The following GPR39 variants were observed in gnomAD, a reference collection of about 807,000 sequenced individuals.
The protein encoded by GPR39 is G protein-coupled receptor 39, also known as zinc sensing receptor.
GPR39 carries 23 observed loss-of-function variants against 18.4 expected under a neutral mutation model. The ratio of observed to expected loss-of-function variants is 1.25; its 90% CI spans 0.90 to 1.77. GPR39 has a LOEUF of 1.77. Among genes scored for constraint, GPR39 ranks in the 40% most tolerant of loss-of-function variants. GPR39 has a pLI of 0.00. For synonymous variants in GPR39, 280 were observed against 257.9 expected (o/e 1.09, Z -0.82); for missense variants, 647 against 602.4 (o/e 1.07, Z -0.78).
intron 1 of GPR39, among the ~76,000 whole-genome samples, chr2:132,463,148 G>A (rs1050353872): frequency 7.2e-5 from 11 of 152,218 alleles, no homozygotes; most frequent in Non-Finnish European, 1.2e-4. Context: ...AGGAGCTGGG[G>A]CTTAGTGTGA....
intron 1 of GPR39, among the ~76,000 whole-genome samples, chr2:132,543,090 T>A (rs999332157): frequency 2.0e-5 from 3 of 152,214 alleles, no homozygotes; most frequent in African/African-American, 7.2e-5. Context: ...AGGTTTGCAT[T>A]CTTGTCTCAC....
intron 1 of GPR39, among the ~76,000 whole-genome samples, chr2:132,571,364 C>T (rs1433375786): frequency 2.6e-5 from 4 of 152,230 alleles, no homozygotes; most frequent in South Asian, 2.1e-4. Context: ...AAAATTTGAT[C>T]ATTCTGGTTA....
intron 1 of GPR39, among the ~76,000 whole-genome samples, chr2:132,552,404 G>A (rs1468392937): frequency 6.6e-6 from 1 of 152,030 alleles, no homozygotes; most frequent in Admixed American, 6.6e-5. Context: ...CTTGTGAGAT[G>A]CCTGTTCCAC....
chr2:132,504,437 A>G (rs1679099698), intron 1 of GPR39, among the ~76,000 whole-genome samples: 1 of 152,142 alleles, frequency 6.6e-6, no homozygotes, highest in Admixed American at 6.5e-5. Flanking sequence ...CAGTTCTAGA[A>G]GCTCTGGATA....
intron 1 of GPR39, among the ~76,000 whole-genome samples, chr2:132,582,901 A>AGAT (rs1187869171): frequency 6.8e-6 from 1 of 146,424 alleles, no homozygotes; most frequent in Non-Finnish European, 1.5e-5. Flanking sequence ...AGAGAGAATT[A>AGAT]GATTTCTTTC....
chr2:132,448,234 C>G (rs1680572660), intron 1 of GPR39, among the ~76,000 whole-genome samples: 1 of 152,068 alleles, frequency 6.6e-6, no homozygotes. Flanking sequence ...TCCTGGCATA[C>G]TAAGATGGTG....
chr2:132,492,765 A>ATACACAC (rs1387264993), intron 1 of GPR39, among the ~76,000 whole-genome samples: 968 of 96,598 alleles, frequency 0.01, 18 homozygotes, highest in Non-Finnish European at 0.016. Context: ...CCATATATAT[A>ATACACAC]CATTCCATAT....
rs750296688 is a variant in GPR39, at chr2:132,646,170, A to G, written c.*564A>G. On this transcript the variant is annotated 3_prime_UTR_variant, in exon 2 of 2. Coordinates refer to ENST00000329321, the MANE Select transcript of GPR39 (RefSeq NM_001508.3). ...GGCCCGTTACAAAGAGGGGTGTTGC[A>G]GCAGCTGATGCAAACTGAGTTCAGT... The G allele has an allele frequency of 1.9e-6, 3 of 1,611,648 alleles. No individual in the cohort carries two copies. The highest frequency in any genetic ancestry group is 2.2e-5 in the East Asian group (1 of 44,788).
intron 1 of GPR39, among the ~76,000 whole-genome samples, chr2:132,611,185 A>C (rs1681233767): frequency 6.6e-6 from 1 of 152,342 alleles, no homozygotes; most frequent in Admixed American, 6.5e-5. Context: ...ACAGTGCAGG[A>C]AAATTTGTCA....
At chr2:132,553,313 A>ATATGTG (rs1680085420) in intron 1 of GPR39, among the ~76,000 whole-genome samples, 1 of 146,202 alleles carries the variant, frequency 6.8e-6, no homozygotes, top group East Asian at 2.0e-4. Context: ...ATATGTATAT[A>ATATGTG]TGTGTGTGTG....
intron 1 of GPR39, among the ~76,000 whole-genome samples, chr2:132,481,738 G>A (rs768163812): frequency 4.6e-5 from 7 of 152,168 alleles, no homozygotes; most frequent in Admixed American, 2.0e-4. Flanking sequence ...ATGTGACTCT[G>A]TAAGAAATTA....
intron 1 of GPR39, among the ~76,000 whole-genome samples, chr2:132,485,133 C>T (rs772679328): frequency 7.2e-5 from 11 of 152,204 alleles, no homozygotes; most frequent in African/African-American, 2.7e-4. Context: ...TTAAACAAGT[C>T]GCATAAAATT....
At chr2:132,453,373 G>T (rs925728206) in intron 1 of GPR39, among the ~76,000 whole-genome samples, 6 of 152,150 alleles carry the variant, frequency 3.9e-5, no homozygotes, top group African/African-American at 1.4e-4. Flanking sequence ...GTAGTGTTTG[G>T]ATATTAGCCT....
At chr2:132,514,987 C>T (rs989862905) in intron 1 of GPR39, among the ~76,000 whole-genome samples, 1 of 152,240 alleles carries the variant, frequency 6.6e-6, no homozygotes, top group Admixed American at 6.5e-5. Flanking sequence ...CGAGGAAATG[C>T]ACAGTGAAAA....
At chr2:132,616,219 G>A (rs1178196728) in intron 1 of GPR39, among the ~76,000 whole-genome samples, 1 of 152,120 alleles carries the variant, frequency 6.6e-6, no homozygotes, top group Non-Finnish European at 1.5e-5. Flanking sequence ...GAGGTTGGTT[G>A]GTATCTCAGT....
At chr2:132,541,768 A>G (rs1489839109) in intron 1 of GPR39, among the ~76,000 whole-genome samples, 1 of 152,224 alleles carries the variant, frequency 6.6e-6, no homozygotes, top group African/African-American at 2.4e-5. Context: ...TGGTGACATC[A>G]GCAAAGTAGA....
At chr2:132,573,086 T>C (rs557822076) in intron 1 of GPR39, among the ~76,000 whole-genome samples, 4 of 152,166 alleles carry the variant, frequency 2.6e-5, no homozygotes, top group African/African-American at 7.2e-5. Flanking sequence ...TTGCTGCCCC[T>C]ACTGCCCCAT....
intron 1 of GPR39, among the ~76,000 whole-genome samples, chr2:132,455,268 T>C (rs1680700529): frequency 6.6e-6 from 1 of 152,220 alleles, no homozygotes; most frequent in Non-Finnish European, 1.5e-5. Context: ...TTTATTTGCA[T>C]AGAGGTGTTT....
chr2:132,423,265 A>C (rs1452247470), intron 1 of GPR39, among the ~76,000 whole-genome samples: 2 of 150,196 alleles, frequency 1.3e-5, no homozygotes, highest in Admixed American at 1.3e-4. Flanking sequence ...CTGTCTTCTC[A>C]TTGTGTCCTG....
Sources: gnomAD v4.1 joint callset for allele counts (sites outside exome capture counted in the v4.1 genomes callset) on GRCh38, gnomAD v4.1.1 for gene constraint, MANE v1.5 for transcripts, NCBI Gene and HGNC (gene_info 2026-07-23, HGNC 2026-07-21) for gene names.